Variants in BFSP2 observed in about 807,000 individuals in gnomAD.
BFSP2 encodes the protein phakinin.
Under a neutral mutation model 44.9 loss-of-function variants are expected in BFSP2, and 38 were observed. The ratio of observed to expected loss-of-function variants is 0.85; its 90% CI spans 0.65 to 1.11. BFSP2 has a LOEUF of 1.11. Among genes scored for constraint, BFSP2 ranks in the 50% least tolerant of loss-of-function variants. The pLI, the probability that BFSP2 is intolerant of heterozygous loss-of-function variation, is 0.00. For missense variants in BFSP2, 525 were observed against 533.0 expected (o/e 0.99, Z 0.15); for synonymous variants, 197 against 209.9 (o/e 0.94, Z 0.53).
At chr3:133,401,962 G>A (rs1320972589) in intron 1 of BFSP2, among the ~76,000 whole-genome samples, 1 of 152,076 alleles carries the variant, frequency 6.6e-6, no homozygotes, top group Admixed American at 6.5e-5. Flanking sequence ...TCTCCCCCTG[G>A]TGCTGCTGTT....
At chr3:133,473,510 G>A (rs2074186592) in intron 6 of BFSP2, among the ~76,000 whole-genome samples, 1 of 150,668 alleles carries the variant, frequency 6.6e-6, no homozygotes, top group Non-Finnish European at 1.5e-5. Context: ...TCGCAGAGGG[G>A]GATTTGGCAG....
chr3:133,414,737 CCATTT>C (rs371343491), intron 1 of BFSP2, among the ~76,000 whole-genome samples: 15 of 120,112 alleles, frequency 1.2e-4, no homozygotes, highest in Non-Finnish European at 1.6e-4. Flanking sequence ...CTTACCCCTG[CCATTT>C]CCCCTCTACT....
intron 4 of BFSP2, among the ~76,000 whole-genome samples, chr3:133,461,068 C>T (rs2074057677): frequency 6.6e-6 from 1 of 152,130 alleles, no homozygotes; most frequent in Non-Finnish European, 1.5e-5. Flanking sequence ...ACTCGCCTTC[C>T]CCTCACATTG....
At chr3:133,433,547 CCT>C (rs2073749647) in intron 1 of BFSP2, among the ~76,000 whole-genome samples, 1 of 152,168 alleles carries the variant, frequency 6.6e-6, no homozygotes, top group Non-Finnish European at 1.5e-5. Flanking sequence ...AACTAAACTA[CCT>C]CTTAGTCTAG....
Position 133,449,982 on chromosome 3 carries a change from A to AAAGGAAGG in BFSP2, c.730-291_730-284dup, listed in dbSNP as rs71136469. On this transcript the variant is annotated intron_variant, in intron 3 of 6. Transcript: ENST00000302334. ...GAGAAAGAGAAAGAAGGAAAGAAGG[A>AAAGGAAGG]AAGGAAGGAAGGAAGGAAGGAAGGA... Among the ~76,000 whole-genome samples the AAAGGAAGG allele has an allele frequency of 0.31, 26,968 of 86,128 alleles. 5,335 individuals carry two copies. The highest frequency in any genetic ancestry group is 0.45 in the Middle Eastern group (70 of 154). The allele number at this position is 86,128 out of a possible 152,430, so 56.5% of individuals were successfully genotyped here.
chr3:133,436,003 A>C (rs1191404574), intron 1 of BFSP2, among the ~76,000 whole-genome samples: 1 of 152,138 alleles, frequency 6.6e-6, no homozygotes, highest in Non-Finnish European at 1.5e-5. Context: ...AGTGCCTCTT[A>C]TATCTGATTC....
chr3:133,424,913 C>T lies in BFSP2; in HGVS notation c.490-22404C>T, dbSNP rs61665352. Among the ~76,000 whole-genome samples the T allele has an allele frequency of 5.2e-4, 79 of 152,338 alleles. No individual in the cohort carries two copies. The East Asian group carries it at 0.012, about 23-fold the overall frequency. Reference sequence around the variant, plus strand: ...GCCTCCCAAAGTGCTGGATTACAGGCGTGAGCCACCATGCCTGGCCTGGTT... The same window carrying T: ...GCCTCCCAAAGTGCTGGATTACAGGTGTGAGCCACCATGCCTGGCCTGGTT... On this transcript the variant is annotated intron_variant, in intron 1 of 6. Transcript: ENST00000302334.
At chr3:133,463,417 G>A (rs1239170820) in intron 4 of BFSP2, among the ~76,000 whole-genome samples, 1 of 152,238 alleles carries the variant, frequency 6.6e-6, no homozygotes, top group Non-Finnish European at 1.5e-5. Context: ...TTGACCTTTT[G>A]ACTTGGGGAT....
chr3:133,441,950 C>T (rs1273131742), intron 1 of BFSP2, among the ~76,000 whole-genome samples: 4 of 152,062 alleles, frequency 2.6e-5, no homozygotes, highest in Admixed American at 6.6e-5. Flanking sequence ...GCAGGGGAGT[C>T]GGCAAGTGCT....
chr3:133,472,641 G>A (rs2074175972), intron 6 of BFSP2, 76 bp downstream of exon 6: 2 of 1,521,924 alleles, frequency 1.3e-6, no homozygotes, highest in Middle Eastern at 2.3e-4. Flanking sequence ...TCCAAACACT[G>A]TAGAAGTATT....
At chr3:133,441,278 C>T (rs1455400248) in intron 1 of BFSP2, among the ~76,000 whole-genome samples, 2 of 152,028 alleles carry the variant, frequency 1.3e-5, no homozygotes, top group African/African-American at 2.4e-5. Context: ...TCAGGTGATC[C>T]GTCTGCCTGG....
chr3:133,404,871 G>A (rs1351720444), intron 1 of BFSP2: 2 of 152,158 alleles, frequency 1.3e-5, no homozygotes, highest in Non-Finnish European at 2.9e-5. Context: ...GAACCTCCAA[G>A]CCTCGCTAAG....
intron 1 of BFSP2, among the ~76,000 whole-genome samples, chr3:133,417,308 A>C (rs1360220479): frequency 2.7e-3 from 69 of 25,522 alleles, no homozygotes; most frequent in Admixed American, 2.9e-3. Flanking sequence ...CCCTGTCCTC[A>C]CCCCTCTACT....
intron 4 of BFSP2, among the ~76,000 whole-genome samples, chr3:133,455,134 A>C (rs1477890502): frequency 6.6e-6 from 1 of 152,216 alleles, no homozygotes; most frequent in Non-Finnish European, 1.5e-5. Context: ...TTTCTTTTTT[A>C]ATAAGTAGGA....
chr3:133,416,339 C>G (rs1402554696), intron 1 of BFSP2, among the ~76,000 whole-genome samples: 1 of 138,116 alleles, frequency 7.2e-6, no homozygotes, highest in Admixed American at 7.1e-5. Flanking sequence ...TCTCCCTTCT[C>G]CTCACCCCTG....
At chr3:133,446,690 G>A (rs1237938829) in intron 1 of BFSP2, among the ~76,000 whole-genome samples, 1 of 133,526 alleles carries the variant, frequency 7.5e-6, no homozygotes, top group Non-Finnish European at 1.6e-5. Context: ...CCTACCTGTG[G>A]GAGATCCTGA....
chr3:133,452,343 C>A (rs1180242397), intron 4 of BFSP2, among the ~76,000 whole-genome samples: 2 of 152,164 alleles, frequency 1.3e-5, no homozygotes, highest in East Asian at 3.8e-4. Context: ...TTTCTCCAAC[C>A]CCTACCCCGT....
At chr3:133,423,362 T>A (rs924343082) in intron 1 of BFSP2, among the ~76,000 whole-genome samples, 5 of 152,220 alleles carry the variant, frequency 3.3e-5, no homozygotes, top group Non-Finnish European at 7.3e-5. Context: ...CGGGTTGTTG[T>A]GGGAATTAAA....
At chr3:133,417,293 C>T (rs1303470545) in intron 1 of BFSP2, among the ~76,000 whole-genome samples, 3 of 142,524 alleles carry the variant, frequency 2.1e-5, no homozygotes, top group Admixed American at 1.4e-4. Context: ...CTCCCTTCTG[C>T]TCACCCCTGT....
Sources: gnomAD v4.1 joint callset for allele counts (sites outside exome capture counted in the v4.1 genomes callset) on GRCh38, gnomAD v4.1.1 for gene constraint, MANE v1.5 for transcripts, NCBI Gene and HGNC (gene_info 2026-07-23, HGNC 2026-07-21) for gene names.